Variants in PRKG1 observed in about 807,000 individuals in gnomAD.
PRKG1 encodes protein kinase cGMP-dependent 1.
PRKG1 carries 35 observed loss-of-function variants against 88.1 expected under a neutral mutation model. The observed-to-expected ratio is 0.40, with a 90% confidence interval of 0.30 to 0.53. The LOEUF (loss-of-function observed/expected upper bound fraction) is 0.53, where lower values mean the gene tolerates loss of function less well. PRKG1 is among the 20% of genes least tolerant of loss of function. The pLI is 0.59. For missense variants in PRKG1, 540 were observed against 839.8 expected (o/e 0.64, Z 4.41); for synonymous variants, 303 against 292.5 (o/e 1.04, Z -0.37).
chr10:51,786,175 C>T (rs1211600120), intron 3 of PRKG1, among the ~76,000 whole-genome samples: 4 of 152,088 alleles, frequency 2.6e-5, no homozygotes, highest in Non-Finnish European at 5.9e-5. Flanking sequence ...TTGTTGATAA[C>T]TTATTAATTT....
At chr10:51,872,490 T>C (rs1392694965) in intron 4 of PRKG1, among the ~76,000 whole-genome samples, 1 of 152,188 alleles carries the variant, frequency 6.6e-6, no homozygotes, top group Non-Finnish European at 1.5e-5. Flanking sequence ...ATAAACTGAA[T>C]TTGGTTAAAT....
chr10:51,944,588 AT>A (rs1464700005), intron 5 of PRKG1, among the ~76,000 whole-genome samples: 6 of 152,062 alleles, frequency 3.9e-5, no homozygotes, highest in African/African-American at 1.5e-4. Context: ...TCTTGTGGGC[AT>A]TTAGTGCTAT....
At chr10:51,184,374 T>G (rs72793265) in intron 2 of PRKG1, among the ~76,000 whole-genome samples, 1 of 152,344 alleles carries the variant, frequency 6.6e-6, no homozygotes, top group Non-Finnish European at 1.5e-5. Context: ...TTGAGAAATT[T>G]TAACCTCAAT....
chr10:51,073,634 C>G (rs553521324), upstream of PRKG1, among the ~76,000 whole-genome samples: 28 of 152,176 alleles, frequency 1.8e-4, no homozygotes, highest in African/African-American at 6.5e-4. Flanking sequence ...AAACAGTTCC[C>G]CGATGAGAGT....
intron 2 of PRKG1, among the ~76,000 whole-genome samples, chr10:51,333,812 A>C (rs1459006465): frequency 6.6e-6 from 1 of 152,164 alleles, no homozygotes; most frequent in Non-Finnish European, 1.5e-5. Flanking sequence ...GTGGTCCTTC[A>C]ACATACCTTT....
chr10:51,283,426 T>G (rs530640354), intron 2 of PRKG1, among the ~76,000 whole-genome samples: 47 of 152,274 alleles, frequency 3.1e-4, no homozygotes, highest in African/African-American at 1.0e-3. Flanking sequence ...ATAATTACTT[T>G]AGCTGAGCAG....
intron 2 of PRKG1, among the ~76,000 whole-genome samples, chr10:51,288,324 A>C (rs1456562399): frequency 2.0e-5 from 3 of 152,148 alleles, no homozygotes; most frequent in Non-Finnish European, 4.4e-5. Context: ...AGAGAGTATA[A>C]ATGTGTTACT....
At chr10:51,627,172 G>GGA (rs1335189014) in intron 3 of PRKG1, among the ~76,000 whole-genome samples, 7 of 152,120 alleles carry the variant, frequency 4.6e-5, no homozygotes, top group Admixed American at 6.5e-5. Context: ...ATCAGTTGGA[G>GGA]GAGAGAGAGA....
At chr10:52,134,313 T>G (rs35786754) in intron 8 of PRKG1, among the ~76,000 whole-genome samples, 50,636 of 152,060 alleles carry the variant, frequency 0.33, 8,775 homozygotes, top group African/African-American at 0.42. Flanking sequence ...GTTATTTTTT[T>G]AGTAGTTTTA....
In PRKG1 at chr10:52,055,097, T is replaced by C. The variant is rs993410584; in HGVS notation, c.840+536T>C. Among the ~76,000 whole-genome samples, 104 of 152,272 alleles carry C rather than the reference T, an allele frequency of 6.8e-4. 1 individual carries two copies. Among genetic ancestry groups the C allele is most frequent in the Non-Finnish European group, 7.8e-4 (53 of 68,018 alleles). ...GTTGCAGTGAGCCAAGATGGTGCCA[T>C]TGCACTTCAGCCTGGGTAACAGAGC... On this transcript the variant is annotated intron_variant, in intron 6 of 17. Transcript: ENST00000373980.
Position 52,179,961 on chromosome 10 carries a change from A to G in PRKG1, c.1076+17998A>G, listed in dbSNP as rs577718829. 7.9e-5 allele frequency among the ~76,000 whole-genome samples: 12 copies of G among 152,362 alleles called. No individual in the cohort carries two copies. In the South Asian group the frequency reaches 1.9e-3, roughly 24 times the overall value. ...TTTGGCATCCCAAAGTGCTGGGATT[A>G]CAGGCGTGAGCCACCGTGCCCAGCC... is the stretch of plus-strand genomic sequence containing the variant. On this transcript the variant is annotated intron_variant, in intron 9 of 17. Transcript: ENST00000373980.
At chr10:51,974,655 C>T (rs1488981934) in intron 5 of PRKG1, among the ~76,000 whole-genome samples, 1 of 152,132 alleles carries the variant, frequency 6.6e-6, no homozygotes, top group African/African-American at 2.4e-5. Flanking sequence ...AGGAGTTACT[C>T]CACCTTAATC....
intron 3 of PRKG1, among the ~76,000 whole-genome samples, chr10:51,626,772 C>T (rs181036000): frequency 6.6e-6 from 1 of 152,266 alleles, no homozygotes; most frequent in Admixed American, 6.5e-5. Flanking sequence ...GTTGAGATCA[C>T]TCTTGGAAAA....
Position 51,623,644 on chromosome 10 carries a change from G to A in PRKG1, c.592+155808G>A, listed in dbSNP as rs539843162. On this transcript the variant is annotated intron_variant, in intron 3 of 17. Transcript: ENST00000373980. ...AGGAAGAAACTATGGAATTGCTTAT[G>A]GAATAGTGATATACACAGAGCATCC... is the stretch of plus-strand genomic sequence containing the variant. Among the ~76,000 whole-genome samples the A allele has an allele frequency of 1.5e-3, 231 of 152,272 alleles. 3 individuals are homozygous for A. The South Asian group carries it at 0.021, about 14-fold the overall frequency.
At chr10:50,994,172 T>A in intron 1 of PRKG1, among the ~76,000 whole-genome samples, 1 of 152,122 alleles carries the variant, frequency 6.6e-6, no homozygotes, top group South Asian at 2.1e-4. Context: ...ACAGGTATAA[T>A]ATATGGGGAG....
chr10:51,548,638 T>C (rs575861665), intron 3 of PRKG1, among the ~76,000 whole-genome samples: 34 of 152,310 alleles, frequency 2.2e-4, no homozygotes, highest in South Asian at 8.3e-4. Flanking sequence ...TTCCTTTCTA[T>C]TGTGTTACTA....
At chr10:51,676,047 A>G (rs1840701726) in intron 3 of PRKG1, among the ~76,000 whole-genome samples, 1 of 152,024 alleles carries the variant, frequency 6.6e-6, no homozygotes, top group South Asian at 2.1e-4. Flanking sequence ...AAACAGGAGA[A>G]TCACTTACAG....
chr10:52,125,762 T>G (rs1247526710), intron 7 of PRKG1: 3 of 152,242 alleles, frequency 2.0e-5, no homozygotes, highest in Admixed American at 2.0e-4. Context: ...TCATAGATCT[T>G]AGCAACCTCA....
At chr10:51,424,710 G>T (rs1838523385) in intron 2 of PRKG1, among the ~76,000 whole-genome samples, 1 of 152,046 alleles carries the variant, frequency 6.6e-6, no homozygotes, top group Non-Finnish European at 1.5e-5. Context: ...TCTCTAAATT[G>T]ATCTATCTTA....
Sources: gnomAD v4.1 joint callset for allele counts (sites outside exome capture counted in the v4.1 genomes callset) on GRCh38, gnomAD v4.1.1 for gene constraint, MANE v1.5 for transcripts, NCBI Gene and HGNC (gene_info 2026-07-23, HGNC 2026-07-21) for gene names.